Variants in MTUS2 observed in about 807,000 individuals in gnomAD.
The protein encoded by MTUS2 is microtubule-associated tumor suppressor candidate 2.
In MTUS2, 40 loss-of-function variants were observed where a neutral mutation model predicts 114.1. The ratio of observed to expected loss-of-function variants is 0.35; its 90% CI spans 0.27 to 0.46. The LOEUF (loss-of-function observed/expected upper bound fraction) is 0.46, where lower values mean the gene tolerates loss of function less well. Ranked by LOEUF, MTUS2 falls within the 20% of genes least tolerant of loss-of-function variation. MTUS2 has a pLI of 1.00. For missense variants in MTUS2, 1,679 were observed against 1,705.4 expected, an observed-to-expected ratio of 0.98 and a Z score of 0.27; for synonymous variants, 688 against 672.0, an observed-to-expected ratio of 1.02 and a Z score of -0.37.
chr13:29,498,899 C>G (rs1344722898), intron 14 of MTUS2, among the ~76,000 whole-genome samples: 1 of 152,212 alleles, frequency 6.6e-6, no homozygotes, highest in East Asian at 1.9e-4. Flanking sequence ...GAGCCTGCGC[C>G]TAACTCCTAC....
Position 28,829,488 on chromosome 13 carries a change from C to T in MTUS2, c.-316+8877C>T, listed in dbSNP as rs185071714. The stretch of plus-strand genomic sequence containing the variant: ...TGGAGGTTGCAGTGAGCTGAGATTG[C>T]GCCACTGAACTCCAGCCTGAATGAC... On this transcript the variant is annotated intron_variant, in intron 1 of 15. Coordinates refer to ENST00000612955, the MANE Select transcript of MTUS2 (RefSeq NM_001033602.4). Among the ~76,000 whole-genome samples, 37 of 151,828 alleles carry T rather than the reference C, an allele frequency of 2.4e-4. No homozygotes were observed. In the South Asian group the frequency reaches 2.9e-3, roughly 12 times the overall value.
chr13:28,889,037 A>G (rs966997909), intron 2 of MTUS2, among the ~76,000 whole-genome samples: 3 of 152,186 alleles, frequency 2.0e-5, no homozygotes, highest in Admixed American at 2.0e-4. Context: ...CCGACAACCA[A>G]GTATCTACTT....
intron 4 of MTUS2, among the ~76,000 whole-genome samples, chr13:29,086,071 A>C (rs1050041554): frequency 7.9e-5 from 12 of 152,160 alleles, no homozygotes; most frequent in African/African-American, 2.9e-4. Flanking sequence ...TGTTGGCCGC[A>C]TGTATGTCTT....
At chr13:29,382,352 G>A (rs1872275192) in intron 8 of MTUS2, among the ~76,000 whole-genome samples, 1 of 152,184 alleles carries the variant, frequency 6.6e-6, no homozygotes. Flanking sequence ...CCATGCAGTA[G>A]TCCACATGGG....
At chr13:29,422,392 C>T (rs942895271) in intron 8 of MTUS2, among the ~76,000 whole-genome samples, 33 of 151,880 alleles carry the variant, frequency 2.2e-4, no homozygotes, top group African/African-American at 7.3e-4. Flanking sequence ...GTGCACAAGC[C>T]GTTAAGCACA....
rs114988745 is a variant in MTUS2 at position 29,155,608 on chromosome 13, G to A, written c.2644+54638G>A. On this transcript the variant is annotated intron_variant, in intron 5 of 15. Coordinates refer to ENST00000612955, the MANE Select transcript of MTUS2 (RefSeq NM_001033602.4). ...GCTCTAATACCCCAGTATTCAGTCT[G>A]TAAATTATAATATCCATAGAAGATT... Among the ~76,000 whole-genome samples the A allele has an allele frequency of 7.3e-3, 1,118 of 152,212 alleles. 9 individuals are homozygous for A. Among genetic ancestry groups the A allele is most frequent in the African/African-American group, 0.025 (1,042 of 41,518 alleles).
intron 5 of MTUS2, among the ~76,000 whole-genome samples, chr13:29,267,639 T>C (rs1412201740): frequency 1.3e-5 from 2 of 152,212 alleles, no homozygotes; most frequent in Non-Finnish European, 2.9e-5. Context: ...GTGGGACTGA[T>C]TCCTTGAAGA....
At chr13:29,034,835 T>C (rs545858273) in intron 4 of MTUS2, among the ~76,000 whole-genome samples, 1 of 152,228 alleles carries the variant, frequency 6.6e-6, no homozygotes, top group East Asian at 1.9e-4. Context: ...ACCATTGCTG[T>C]CCCCCACCAC....
chr13:29,122,320 A>G (rs1309009890), intron 5 of MTUS2, among the ~76,000 whole-genome samples: 1 of 152,142 alleles, frequency 6.6e-6, no homozygotes, highest in East Asian at 1.9e-4. Flanking sequence ...TTTATAAAGG[A>G]AAGAGGTTTA....
intron 2 of MTUS2, among the ~76,000 whole-genome samples, chr13:28,928,004 C>T (rs907990212): frequency 1.8e-4 from 27 of 152,020 alleles, no homozygotes; most frequent in African/African-American, 6.5e-4. Context: ...GCCAAGAACA[C>T]ACAATAGGGA....
chr13:29,191,473 G>A (rs1381338583), intron 5 of MTUS2, among the ~76,000 whole-genome samples: 2 of 152,084 alleles, frequency 1.3e-5, no homozygotes, highest in Non-Finnish European at 2.9e-5. Flanking sequence ...TTCTGACATC[G>A]TGGCAACTGG....
intron 5 of MTUS2, among the ~76,000 whole-genome samples, chr13:29,206,697 T>C (rs1474547851): frequency 6.6e-6 from 1 of 152,146 alleles, no homozygotes; most frequent in African/African-American, 2.4e-5. Context: ...TTGTTTCCGT[T>C]GTTGAAGATC....
chr13:29,338,101 C>T (rs1470814073), intron 7 of MTUS2, among the ~76,000 whole-genome samples: 1 of 151,804 alleles, frequency 6.6e-6, no homozygotes, highest in Non-Finnish European at 1.5e-5. Flanking sequence ...CATGACCGGA[C>T]CATCTTGCCA....
intron 2 of MTUS2, among the ~76,000 whole-genome samples, chr13:28,887,313 C>T (rs1359243204): frequency 6.6e-6 from 1 of 152,044 alleles, no homozygotes; most frequent in Admixed American, 6.5e-5. Flanking sequence ...TTCCAGATAC[C>T]CTCGCCCCTT....
chr13:29,022,944 T>C (rs1886355128), intron 2 of MTUS2, among the ~76,000 whole-genome samples: 1 of 152,366 alleles, frequency 6.6e-6, no homozygotes, highest in East Asian at 1.9e-4. Context: ...GTGCCTAATA[T>C]GTATGCCAGG....
chr13:28,939,233 AT>A (rs1882091228), intron 2 of MTUS2, among the ~76,000 whole-genome samples: 1 of 152,152 alleles, frequency 6.6e-6, no homozygotes, highest in South Asian at 2.1e-4. Context: ...GTATTGAAAC[AT>A]TGTGTCTTTC....
intron 5 of MTUS2, among the ~76,000 whole-genome samples, chr13:29,132,291 C>G (rs759131794): frequency 1.3e-5 from 2 of 152,164 alleles, no homozygotes; most frequent in African/African-American, 2.4e-5. Context: ...TCAAATTCTT[C>G]TATAAATTAC....
At chr13:29,327,764 G>T (rs557268661) in intron 7 of MTUS2, among the ~76,000 whole-genome samples, 141 of 152,222 alleles carry the variant, frequency 9.3e-4, no homozygotes, top group African/African-American at 3.0e-3. Flanking sequence ...GAATGAAATG[G>T]CTGGGTCATA....
At chr13:29,042,337 C>A (rs1887403733) in intron 4 of MTUS2, among the ~76,000 whole-genome samples, 1 of 152,010 alleles carries the variant, frequency 6.6e-6, no homozygotes, top group South Asian at 2.1e-4. Flanking sequence ...TGGAGGATTA[C>A]CTTTTTTGTA....
Sources: allele counts gnomAD v4.1 joint callset (sites outside exome capture counted in the v4.1 genomes callset), GRCh38; gene constraint gnomAD v4.1.1; transcripts MANE v1.5; gene names NCBI Gene and HGNC (gene_info 2026-07-23, HGNC 2026-07-21).